Variants in INPP5D observed in about 807,000 individuals in gnomAD.
INPP5D encodes the protein inositol polyphosphate-5-phosphatase D.
Under a neutral mutation model 122.9 loss-of-function variants are expected in INPP5D, and 33 were observed. That is an observed-to-expected ratio of 0.27 (90% CI 0.20 to 0.36). INPP5D has a LOEUF of 0.36. Among genes scored for constraint, INPP5D ranks in the 10% least tolerant of loss-of-function variants. The pLI, the probability that INPP5D is intolerant of heterozygous loss-of-function variation, is 1.00. For synonymous variants in INPP5D, 584 were observed against 576.2 expected, an observed-to-expected ratio of 1.01 and a Z score of -0.19; for missense variants, 1,053 against 1,412.7, an observed-to-expected ratio of 0.75 and a Z score of 4.08.
chr2:233,098,803 G>A (rs763854905), intron 2 of INPP5D, among the ~76,000 whole-genome samples: 4 of 152,270 alleles, frequency 2.6e-5, no homozygotes, highest in Non-Finnish European at 2.9e-5. Context: ...GCCCCTCCAC[G>A]AGTGCAGTCT....
At position 233,204,573 on chromosome 2, in the gene INPP5D, G is replaced by A. The variant is rs1219801071; in HGVS notation, c.3423G>A (p.Pro1141=). The A allele has an allele frequency of 6.4e-7, 1 of 1,566,018 alleles. No homozygotes were observed. ...QQTPPTPTPR[P]PLPVKSPAVL... ...CCCCGCCCACCCCGACGCCGCGGCC[G>A]CCGCTGCCAGTCAAGAGCCCGGCGG... The change falls in exon 26 of 27, where the codon CCG becomes CCA. Residue 1141 remains proline, a synonymous_variant. Coordinates refer to ENST00000445964, the MANE Select transcript of INPP5D (RefSeq NM_001017915.3).
chr2:233,073,497 G>T (rs948886408), intron 1 of INPP5D, among the ~76,000 whole-genome samples: 3 of 151,888 alleles, frequency 2.0e-5, no homozygotes, highest in Non-Finnish European at 4.4e-5. Context: ...AACATTAGCC[G>T]AACATGGTGG....
chr2:233,097,614 G>A (rs1177478357), intron 2 of INPP5D, among the ~76,000 whole-genome samples: 5 of 152,078 alleles, frequency 3.3e-5, no homozygotes, highest in Non-Finnish European at 5.9e-5. Context: ...GACATTTTCT[G>A]GTTAGGTTTT....
At chr2:233,200,742 T>C (rs1695309259) in intron 25 of INPP5D, among the ~76,000 whole-genome samples, 1 of 152,020 alleles carries the variant, frequency 6.6e-6, no homozygotes, top group Non-Finnish European at 1.5e-5. Flanking sequence ...GCAGATCACT[T>C]GAGGTCAGGA....
At chr2:233,159,511 A>C (rs979310187) in intron 10 of INPP5D, among the ~76,000 whole-genome samples, 5 of 149,936 alleles carry the variant, frequency 3.3e-5, no homozygotes, top group Non-Finnish European at 7.4e-5. Context: ...TAGCCTGTGC[A>C]AGATGGTGAG....
At chr2:233,136,797 T>C (rs918651959) in intron 5 of INPP5D, among the ~76,000 whole-genome samples, 26 of 152,066 alleles carry the variant, frequency 1.7e-4, no homozygotes, top group African/African-American at 6.3e-4. Flanking sequence ...AAAACAGAGA[T>C]ACATCAGGAA....
intron 10 of INPP5D, among the ~76,000 whole-genome samples, chr2:233,161,005 A>G (rs1278503755): frequency 6.6e-6 from 1 of 152,268 alleles, no homozygotes; most frequent in East Asian, 1.9e-4. Flanking sequence ...GCTTAAAAAT[A>G]TATATTGTGG....
At chr2:233,106,160 A>G (rs1692463290) in intron 2 of INPP5D, among the ~76,000 whole-genome samples, 1 of 152,186 alleles carries the variant, frequency 6.6e-6, no homozygotes, top group Non-Finnish European at 1.5e-5. Context: ...TTTGCTGCAT[A>G]ACAAACAGCC....
chr2:233,093,107 C>T (rs1350075952), intron 2 of INPP5D, among the ~76,000 whole-genome samples: 1 of 152,212 alleles, frequency 6.6e-6, no homozygotes, highest in Non-Finnish European at 1.5e-5. Flanking sequence ...GTCTCCTTCA[C>T]GTGGTCTGAT....
At chr2:233,182,959 G>A (rs1025307703) in intron 19 of INPP5D, among the ~76,000 whole-genome samples, 1 of 152,186 alleles carries the variant, frequency 6.6e-6, no homozygotes, top group Non-Finnish European at 1.5e-5. Context: ...TAAAAAGTGA[G>A]TCTATTTAGA....
intron 1 of INPP5D, among the ~76,000 whole-genome samples, chr2:233,066,935 A>C (rs938086814): frequency 6.6e-6 from 1 of 151,938 alleles, no homozygotes; most frequent in Non-Finnish European, 1.5e-5. Flanking sequence ...CTCCCATCAC[A>C]CCCAGCTAAT....
rs575015894 is a variant in INPP5D, at chr2:233,125,087, G to A, written c.350-658G>A. ...AGACAGAGCTCTGGACCCTCCATTC[G>A]TGTACGTACAGAATGAACCTTCTCC... is the stretch of plus-strand genomic sequence containing the variant. On this transcript the variant is annotated intron_variant, in intron 3 of 26. Coordinates refer to ENST00000445964, the MANE Select transcript of INPP5D (RefSeq NM_001017915.3). Among the ~76,000 whole-genome samples, 6 of 152,356 alleles carry A rather than the reference G, an allele frequency of 3.9e-5. No individual in the cohort carries two copies. In the South Asian group the frequency reaches 8.3e-4, roughly 21 times the overall value.
In INPP5D at chr2:233,204,411, G is replaced by T; in HGVS notation, c.3261G>T (p.Thr1087=). The T allele has an allele frequency of 6.2e-7, 1 of 1,609,462 alleles. No homozygotes were observed. Among genetic ancestry groups the T allele is most frequent in the Non-Finnish European group, 8.5e-7 (1 of 1,178,446 alleles). Residue 1087 remains threonine, a synonymous_variant, in exon 26 of 27, where the codon ACG becomes ACT. Coordinates refer to ENST00000445964, the MANE Select transcript of INPP5D (RefSeq NM_001017915.3). ...CCGCGCCCCGGCTGCGCTCCTTCAC[G>T]TGCTCATCCTCTGCCGAGGGCAGGG... The part of the protein sequence containing the change: ...QVPAPRLRSF[T]CSSSAEGRAA...
chr2:233,123,188 G>C (rs117988494), intron 3 of INPP5D, among the ~76,000 whole-genome samples: 5,122 of 152,288 alleles, frequency 0.034, 341 homozygotes, highest in East Asian at 0.31. Flanking sequence ...AGGTGCAGTG[G>C]CTCACGCCTG....
intron 22 of INPP5D, among the ~76,000 whole-genome samples, chr2:233,190,236 C>T (rs930849898): frequency 1.3e-5 from 2 of 152,204 alleles, no homozygotes; most frequent in African/African-American, 4.8e-5. Flanking sequence ...CCTTACTGTT[C>T]TCCAATGAGT....
chr2:233,104,741 G>A (rs1213300672), intron 2 of INPP5D, among the ~76,000 whole-genome samples: 8 of 152,304 alleles, frequency 5.3e-5, no homozygotes. Flanking sequence ...CAGCTGTTGA[G>A]GACAGGCTTG....
At chr2:233,064,111 T>C (rs1472942398) in intron 1 of INPP5D, among the ~76,000 whole-genome samples, 1 of 152,272 alleles carries the variant, frequency 6.6e-6, no homozygotes, top group East Asian at 1.9e-4. Flanking sequence ...CCAATGTCAG[T>C]ATATAGGCTG....
In INPP5D at chr2:233,207,073, A is replaced by G; in HGVS notation, c.*365A>G. The G allele has an allele frequency of 4.8e-6, 1 of 209,588 alleles. No homozygotes were observed. Among genetic ancestry groups the G allele is most frequent in the South Asian group, 7.2e-5 (1 of 13,846 alleles). The allele number at this position is 209,588 out of a possible 1,614,324, so 13.0% of individuals were successfully genotyped here. The stretch of plus-strand genomic sequence containing the variant: ...AATAATATTAATAATAATAATGGCC[A>G]CATGGATCGAACACTCATGATGTGC... On this transcript the variant is annotated 3_prime_UTR_variant, in exon 27 of 27. Transcript: ENST00000445964. This position sits in a 1 kb window ranked among gnomAD's most constrained non-coding sequence, Gnocchi z 4.6.
chr2:233,079,998 C>T (rs551030331), intron 2 of INPP5D, among the ~76,000 whole-genome samples: 9 of 152,252 alleles, frequency 5.9e-5, no homozygotes, highest in African/African-American at 2.2e-4. Context: ...GGCGCCATGT[C>T]GGCTCCCTGC....
Sources: allele counts gnomAD v4.1 joint callset (sites outside exome capture counted in the v4.1 genomes callset), GRCh38; gene constraint gnomAD v4.1.1; non-coding constraint Gnocchi (gnomAD v3.1); transcripts MANE v1.5; gene names NCBI Gene and HGNC (gene_info 2026-07-23, HGNC 2026-07-21).